Variants in SLC9A9 observed in about 807,000 individuals in gnomAD.
SLC9A9 encodes solute carrier family 9 member A9, also known as sodium/hydrogen exchanger 9.
A neutral mutation model predicts 77.8 loss-of-function variants in SLC9A9; 62 were observed. That is an observed-to-expected ratio of 0.80 (90% CI 0.65 to 0.98). The LOEUF is 0.98. Ranked by LOEUF, SLC9A9 falls within the 50% of genes least tolerant of loss-of-function variation. The pLI is 0.00. For missense variants in SLC9A9, 775 were observed against 774.9 expected (o/e 1.00, Z 0.00); for synonymous variants, 320 against 283.5 (o/e 1.13, Z -1.29).
intron 4 of SLC9A9, among the ~76,000 whole-genome samples, chr3:143,698,613 G>A (rs1016090495): frequency 6.6e-6 from 1 of 152,120 alleles, no homozygotes; most frequent in Non-Finnish European, 1.5e-5. Flanking sequence ...AATACAAAAA[G>A]TTCCAGAAGT....
chr3:143,556,084 C>T (rs1325990629), intron 8 of SLC9A9, among the ~76,000 whole-genome samples: 1 of 152,216 alleles, frequency 6.6e-6, no homozygotes, highest in Non-Finnish European at 1.5e-5. Flanking sequence ...AATTCTCCAA[C>T]ACAGAAACAA....
intron 6 of SLC9A9, among the ~76,000 whole-genome samples, chr3:143,585,935 C>T (rs2037533295): frequency 6.6e-6 from 1 of 152,256 alleles, no homozygotes; most frequent in Admixed American, 6.5e-5. Flanking sequence ...GCAGGTTCTA[C>T]ACTGTGGGAT....
chr3:143,366,072 C>A (rs1344769842), intron 13 of SLC9A9, among the ~76,000 whole-genome samples: 1 of 152,018 alleles, frequency 6.6e-6, no homozygotes, highest in Non-Finnish European at 1.5e-5. Context: ...AGCAAATTCC[C>A]AATTTTTGTT....
At chr3:143,773,305 G>T (rs2007587524) in intron 4 of SLC9A9, among the ~76,000 whole-genome samples, 1 of 152,046 alleles carries the variant, frequency 6.6e-6, no homozygotes, top group Non-Finnish European at 1.5e-5. Context: ...GAGATGTTCA[G>T]TAGCACATTC....
At chr3:143,698,015 T>C (rs1933690586) in intron 4 of SLC9A9, 1 of 152,206 alleles carries the variant, frequency 6.6e-6, no homozygotes, top group Non-Finnish European at 1.5e-5. Context: ...AACCAATTAG[T>C]TATAACTACA....
At chr3:143,660,990 T>A (rs1208307897) in intron 5 of SLC9A9, among the ~76,000 whole-genome samples, 1 of 152,214 alleles carries the variant, frequency 6.6e-6, no homozygotes, top group Non-Finnish European at 1.5e-5. Context: ...ACACCACAGA[T>A]CACTCATTTA....
At chr3:143,314,773 G>C (rs938350476) in intron 14 of SLC9A9, among the ~76,000 whole-genome samples, 1 of 152,318 alleles carries the variant, frequency 6.6e-6, no homozygotes, top group Admixed American at 6.5e-5. Context: ...CCCTGGCACT[G>C]TCTGCAAAGC....
At chr3:143,424,674 T>C (rs1258906190) in intron 12 of SLC9A9, among the ~76,000 whole-genome samples, 3 of 152,164 alleles carry the variant, frequency 2.0e-5, no homozygotes, top group African/African-American at 4.8e-5. Flanking sequence ...TGAAACCTTT[T>C]AAAGTTTGAT....
At chr3:143,790,067 C>T (rs975199361) in intron 4 of SLC9A9, among the ~76,000 whole-genome samples, 3 of 152,036 alleles carry the variant, frequency 2.0e-5, no homozygotes, top group Non-Finnish European at 2.9e-5. Flanking sequence ...GGGGGTGGTA[C>T]CCCATGCTGT....
intron 2 of SLC9A9, among the ~76,000 whole-genome samples, chr3:143,825,952 T>C (rs1438644500): frequency 1.3e-5 from 2 of 152,170 alleles, no homozygotes; most frequent in Non-Finnish European, 2.9e-5. Flanking sequence ...GATTCATTCA[T>C]TCATCAGTTT....
At position 143,341,951 on chromosome 3, in the gene SLC9A9, T is replaced by C. The variant is rs182860798; in HGVS notation, c.1604+21533A>G. ...GTCCCTTACAAAGGACCCATGCAGA[T>C]GAAGAGCCCTGAAAGCTGAGTTTCA... On this transcript the variant is annotated intron_variant, in intron 14 of 15. Transcript: ENST00000316549. Among the ~76,000 whole-genome samples, 125 of 152,296 alleles carry C rather than the reference T, an allele frequency of 8.2e-4. 4 individuals are homozygous for C. The East Asian group carries it at 0.014, about 17-fold the overall frequency.
At chr3:143,709,192 C>T (rs1021637059) in intron 4 of SLC9A9, among the ~76,000 whole-genome samples, 17 of 152,114 alleles carry the variant, frequency 1.1e-4, no homozygotes, top group African/African-American at 3.6e-4. Flanking sequence ...ATCTCAAATT[C>T]GCTGCATATT....
chr3:143,815,230 G>C (rs1475982831), intron 2 of SLC9A9, among the ~76,000 whole-genome samples: 2 of 152,162 alleles, frequency 1.3e-5, no homozygotes, highest in Non-Finnish European at 2.9e-5. Flanking sequence ...GGCCAAATTA[G>C]GGGATGGTTT....
In SLC9A9 at chr3:143,265,940, A is replaced by C. The variant is rs1937698441; in HGVS notation, c.*762T>G. The stretch of plus-strand genomic sequence containing the variant: ...AGAAGTGACTCACATGCAGGCAAGG[A>C]CGGGAAGGCTTGTTCTTCAGGCACA... On this transcript the variant is annotated 3_prime_UTR_variant, in exon 16 of 16. Coordinates refer to ENST00000316549, the MANE Select transcript of SLC9A9 (RefSeq NM_173653.4). 11 of 649,394 alleles carry C rather than the reference A, an allele frequency of 1.7e-5. No individual in the cohort carries two copies. The highest frequency in any genetic ancestry group is 3.8e-4 in the Middle Eastern group (1 of 2,618). The allele number at this position is 649,394 out of a possible 1,614,324, so 40.2% of individuals were successfully genotyped here. A position where few individuals can be genotyped will look rare whatever the true frequency, so the allele number is the denominator to read the frequency against.
intron 14 of SLC9A9, among the ~76,000 whole-genome samples, chr3:143,329,469 AATTTTG>A (rs1172028036): frequency 6.6e-6 from 1 of 152,220 alleles, no homozygotes; most frequent in Non-Finnish European, 1.5e-5. Context: ...TTAGCAAAAC[AATTTTG>A]ATTTCCCATT....
intron 4 of SLC9A9, among the ~76,000 whole-genome samples, chr3:143,693,988 C>G (rs1249065859): frequency 6.6e-6 from 1 of 152,106 alleles, no homozygotes; most frequent in East Asian, 1.9e-4. Context: ...CATCATTTGC[C>G]AACCTATAGC....
chr3:143,392,250 G>C (rs1220526376), intron 12 of SLC9A9, among the ~76,000 whole-genome samples: 3 of 152,162 alleles, frequency 2.0e-5, no homozygotes, highest in Admixed American at 6.5e-5. Flanking sequence ...AACAGCTGAT[G>C]TTTCAGCAGA....
At chr3:143,288,664 G>A (rs773818998) in intron 14 of SLC9A9, among the ~76,000 whole-genome samples, 4 of 152,148 alleles carry the variant, frequency 2.6e-5, no homozygotes, top group African/African-American at 9.7e-5. Context: ...ACCAAGCAGA[G>A]CCCTATTGGC....
intron 2 of SLC9A9, among the ~76,000 whole-genome samples, chr3:143,802,421 TG>T: frequency 6.6e-6 from 1 of 152,284 alleles, no homozygotes; most frequent in Non-Finnish European, 1.5e-5. Flanking sequence ...CTCAGGGACT[TG>T]CCCCTGCCCA....
Sources: gnomAD v4.1 joint callset for allele counts (sites outside exome capture counted in the v4.1 genomes callset) on GRCh38, gnomAD v4.1.1 for gene constraint, MANE v1.5 for transcripts, NCBI Gene and HGNC (gene_info 2026-07-23, HGNC 2026-07-21) for gene names.